Variants in COA1 observed in about 807,000 individuals in gnomAD.
COA1 encodes cytochrome c oxidase assembly factor 1.
Under a neutral mutation model 16.0 loss-of-function variants are expected in COA1, and 13 were observed. That is an observed-to-expected ratio of 0.81 (90% CI 0.53 to 1.29). COA1 has a LOEUF of 1.29. COA1 is among the 50% of genes most tolerant of loss of function. The pLI is 0.00. For missense variants in COA1, 179 were observed against 177.0 expected (o/e 1.01, Z -0.06); for synonymous variants, 65 against 65.7 (o/e 0.99, Z 0.05).
intron 1 of COA1, among the ~76,000 whole-genome samples, chr7:43,703,985 CT>C (rs1376857231): frequency 6.6e-6 from 1 of 152,210 alleles, no homozygotes. Context: ...ATGTTTAGCA[CT>C]CCCTTAAGGA....
intron 1 of COA1, among the ~76,000 whole-genome samples, chr7:43,671,903 A>G (rs2093287318): frequency 1.3e-5 from 2 of 152,082 alleles, no homozygotes; most frequent in South Asian, 4.1e-4. Context: ...CCATGATTCT[A>G]AGTTTCCTGA....
At chr7:43,691,169 A>C (rs1441943348) in intron 1 of COA1, among the ~76,000 whole-genome samples, 1 of 150,024 alleles carries the variant, frequency 6.7e-6, no homozygotes, top group African/African-American at 2.5e-5. Flanking sequence ...TTGCTCCCTG[A>C]GGCCAGGAGT....
At chr7:43,649,512 C>T (rs1479289262) in intron 1 of COA1, 1 of 152,242 alleles carries the variant, frequency 6.6e-6, no homozygotes, top group Non-Finnish European at 1.5e-5. Context: ...CATATTTGTA[C>T]CTTCATTCCT....
chr7:43,679,461 G>C (rs2093673233), intron 1 of COA1, among the ~76,000 whole-genome samples: 3 of 152,048 alleles, frequency 2.0e-5, no homozygotes, highest in South Asian at 4.1e-4. Context: ...AAATAAAGCT[G>C]AGGGCCACAC....
At chr7:43,622,500 G>A (rs1171209201) in intron 6 of COA1, 1 of 151,222 alleles carries the variant, frequency 6.6e-6, no homozygotes, top group Non-Finnish European at 1.5e-5. Flanking sequence ...TGTGGATTCA[G>A]TACTTATTGA....
intron 6 of COA1, among the ~76,000 whole-genome samples, chr7:43,629,318 A>G (rs1160474828): frequency 6.6e-6 from 1 of 152,208 alleles, no homozygotes; most frequent in East Asian, 1.9e-4. Context: ...AATTTTGTCA[A>G]TTTCCACCAA....
At chr7:43,614,360 T>C (rs2083155920) in intron 6 of COA1, among the ~76,000 whole-genome samples, 2 of 152,232 alleles carry the variant, frequency 1.3e-5, no homozygotes, top group African/African-American at 2.4e-5. Context: ...GGGATTCATA[T>C]ATTTTAAATA....
chr7:43,611,066 G>A (rs954073772), intron 6 of COA1, among the ~76,000 whole-genome samples: 4 of 152,162 alleles, frequency 2.6e-5, no homozygotes, highest in Non-Finnish European at 4.4e-5. Flanking sequence ...GCAGTGAGCC[G>A]AGATTGCGCC....
At chr7:43,647,464 A>C in intron 3 of COA1, 71 bp downstream of exon 3, 1 of 1,020,198 alleles carries the variant, frequency 9.8e-7, no homozygotes, top group South Asian at 1.3e-5. Context: ...CATCTCAAGT[A>C]TTTCCTCTGA....
In COA1 at chr7:43,683,992, C is replaced by T. The variant is rs552521728; in HGVS notation, c.-38-35340G>A. 1.2e-4 allele frequency among the ~76,000 whole-genome samples: 19 copies of T among 152,218 alleles called. No individual in the cohort carries two copies. The South Asian group carries it at 3.1e-3, about 25-fold the overall frequency. On this transcript the variant is annotated intron_variant, in intron 1 of 5. Transcript: ENST00000223336. ...ACAATTAGGGATGACTCAATGGGAC[C>T]GGAATCATTTGAGGAAATCACTTAC...
rs2153060853 is a variant in COA1 at position 43,639,356 on chromosome 7, G to GGAGT, written c.*222_*225dup. ...ATTACATTATCTTAAATTTATAATAGGAGTTTCTTTCGGATTCAGTTTAAA... is the reference window on the plus strand; with the variant it reads ...ATTACATTATCTTAAATTTATAATAGGAGTGAGTTTCTTTCGGATTCAGTTTAAA... On this transcript the variant is annotated 3_prime_UTR_variant, in exon 6 of 6. Transcript: ENST00000223336. 5.2e-6 allele frequency: 2 copies of GGAGT among 384,222 alleles called. No homozygotes were observed. Among genetic ancestry groups the GGAGT allele is most frequent in the East Asian group, 4.3e-5 (1 of 23,292 alleles). The allele number at this position is 384,222 out of a possible 1,614,324, so 23.8% of individuals were successfully genotyped here.
intron 1 of COA1, among the ~76,000 whole-genome samples, chr7:43,698,899 C>T (rs925952281): frequency 1.3e-5 from 2 of 152,178 alleles, no homozygotes; most frequent in Non-Finnish European, 2.9e-5. Context: ...TGCATAAAGG[C>T]TGATAAATCC....
intron 6 of COA1, chr7:43,624,750 G>A: frequency 1.2e-6 from 2 of 1,613,564 alleles, no homozygotes; most frequent in South Asian, 1.1e-5. Context: ...CAGACAGTCT[G>A]AAAAAGAGAA....
chr7:43,696,441 A>G (rs560980371), intron 1 of COA1, among the ~76,000 whole-genome samples: 5 of 152,340 alleles, frequency 3.3e-5, no homozygotes, highest in African/African-American at 7.2e-5. Context: ...ATTCACTGCC[A>G]TTGTCTATAA....
chr7:43,695,786 G>T (rs1365837294), intron 1 of COA1, among the ~76,000 whole-genome samples: 1 of 152,142 alleles, frequency 6.6e-6, no homozygotes, highest in East Asian at 1.9e-4. Flanking sequence ...ATACTTTACA[G>T]AACAATTTGG....
chr7:43,629,693 G>C (rs1414021215), intron 6 of COA1, among the ~76,000 whole-genome samples: 4 of 152,138 alleles, frequency 2.6e-5, no homozygotes, highest in Middle Eastern at 3.2e-3. Context: ...GAAATTTATA[G>C]TAACAAAATT....
chr7:43,658,100 G>A (rs764358140), intron 1 of COA1, among the ~76,000 whole-genome samples: 7 of 151,818 alleles, frequency 4.6e-5, no homozygotes, highest in East Asian at 1.9e-4. Flanking sequence ...CTGAAGGCCC[G>A]GCGCTGTGGC....
At chr7:43,710,252 G>A (rs1232746475) in intron 1 of COA1, among the ~76,000 whole-genome samples, 2 of 149,622 alleles carry the variant, frequency 1.3e-5, no homozygotes, top group African/African-American at 2.5e-5. Flanking sequence ...GGGAGGCTGA[G>A]GCAGGAGAAT....
chr7:43,677,800 TA>T (rs11310207), intron 1 of COA1, among the ~76,000 whole-genome samples: 55,483 of 115,986 alleles, frequency 0.48, 12,750 homozygotes, highest in East Asian at 0.59. Context: ...GGCTCTGTCT[TA>T]AAAAAAAAAA....
Sources: allele counts gnomAD v4.1 joint callset (sites outside exome capture counted in the v4.1 genomes callset), GRCh38; gene constraint gnomAD v4.1.1; transcripts MANE v1.5; gene names NCBI Gene and HGNC (gene_info 2026-07-23, HGNC 2026-07-21).